Variants in CAPN14 observed in about 807,000 individuals in gnomAD.
CAPN14 encodes calpain-14.
A neutral mutation model predicts 101.3 loss-of-function variants in CAPN14; 94 were observed. The observed-to-expected ratio is 0.93, with a 90% CI of 0.79 to 1.10. The LOEUF is 1.10. Ranked by LOEUF, CAPN14 falls within the 50% of genes least tolerant of loss-of-function variation. CAPN14 has a pLI of 0.00. For missense variants in CAPN14, 837 were observed against 828.4 expected (o/e 1.01, Z -0.13); for synonymous variants, 338 against 317.9 (o/e 1.06, Z -0.67).
At chr2:31,212,066 C>T (rs1191141841) in intron 1 of CAPN14, among the ~76,000 whole-genome samples, 1 of 152,084 alleles carries the variant, frequency 6.6e-6, no homozygotes, top group Non-Finnish European at 1.5e-5. Flanking sequence ...GTCTGCAATC[C>T]CAGTACCTTG....
intron 8 of CAPN14, among the ~76,000 whole-genome samples, chr2:31,194,833 T>C (rs1681384785): frequency 6.6e-6 from 1 of 152,206 alleles, no homozygotes; most frequent in Non-Finnish European, 1.5e-5. Flanking sequence ...AAGCTCATCA[T>C]TTGAACTTCT....
intron 2 of CAPN14, among the ~76,000 whole-genome samples, chr2:31,203,974 T>C (rs947960733): frequency 2.6e-5 from 4 of 152,224 alleles, no homozygotes; most frequent in East Asian, 3.8e-4. Context: ...TGAAGAATAC[T>C]TTTGTAAAGT....
Position 31,207,449 on chromosome 2 carries a change from G to C in CAPN14, c.-52-1950C>G, listed in dbSNP as rs907511840. On this transcript the variant is annotated intron_variant, in intron 1 of 21. Coordinates refer to ENST00000403897, the MANE Select transcript of CAPN14 (RefSeq NM_001145122.2). Reference sequence around the variant, plus strand: ...TAAATACAAACATAACATTTTAAAAGATACATAAAGTCAAGTCCCCCTTTA... The same window carrying C: ...TAAATACAAACATAACATTTTAAAACATACATAAAGTCAAGTCCCCCTTTA... Among the ~76,000 whole-genome samples the C allele has an allele frequency of 3.3e-5, 5 of 152,162 alleles. No homozygotes were observed. The South Asian group carries it at 6.2e-4, about 19-fold the overall frequency.
chr2:31,198,096 G>A (rs1056459751), intron 7 of CAPN14, among the ~76,000 whole-genome samples: 13 of 152,194 alleles, frequency 8.5e-5, no homozygotes, highest in African/African-American at 3.1e-4. Context: ...AGTCAAGTTG[G>A]GAACTGCTTA....
rs1681370043 is a variant in CAPN14, at chr2:31,194,498, G to C, written c.876-15C>G. Reference sequence around the variant, plus strand: ...ATTTACTTGAACTGAAAATAGAAAAGGGAATGAAAAGCTTGTGGGGAGCAT... The same window carrying C: ...ATTTACTTGAACTGAAAATAGAAAACGGAATGAAAAGCTTGTGGGGAGCAT... On this transcript the variant is annotated splice_polypyrimidine_tract_variant and intron_variant, in intron 8 of 21. Coordinates refer to ENST00000403897, the MANE Select transcript of CAPN14 (RefSeq NM_001145122.2). 6.5e-7 allele frequency: 1 copy of C among 1,541,400 alleles called. No individual in the cohort carries two copies. The highest frequency in any genetic ancestry group is 1.4e-5 in the African/African-American group (1 of 72,902).
At chr2:31,231,777 C>A (rs1683200606) in intron 1 of CAPN14, among the ~76,000 whole-genome samples, 1 of 152,196 alleles carries the variant, frequency 6.6e-6, no homozygotes, top group Non-Finnish European at 1.5e-5. Context: ...GGGACAGGCT[C>A]AGATCTCTCC....
At chr2:31,224,832 TGAG>T (rs955663909) in intron 2 of CAPN14, among the ~76,000 whole-genome samples, 6 of 152,006 alleles carry the variant, frequency 3.9e-5, no homozygotes, top group African/African-American at 1.4e-4. Context: ...TTGACCTATT[TGAG>T]GAGAACTATA....
chr2:31,209,429 C>G (rs577963229), intron 1 of CAPN14, among the ~76,000 whole-genome samples: 1 of 152,198 alleles, frequency 6.6e-6, no homozygotes, highest in South Asian at 2.1e-4. Context: ...CTCAGATAAC[C>G]TAAGTGCCTT....
At chr2:31,227,311 G>T (rs932332832) in intron 1 of CAPN14, among the ~76,000 whole-genome samples, 2 of 152,188 alleles carry the variant, frequency 1.3e-5, no homozygotes, top group Admixed American at 1.3e-4. Context: ...TGAGACAGCC[G>T]CATTCCAGCA....
At chr2:31,200,794 C>G (rs1279323621) in intron 5 of CAPN14, among the ~76,000 whole-genome samples, 169 bp from the exon 6 acceptor site, 1 of 152,186 alleles carries the variant, frequency 6.6e-6, no homozygotes, top group Non-Finnish European at 1.5e-5. Flanking sequence ...TGAATGGCTC[C>G]AGCTGGTGGT....
At chr2:31,189,742 TA>T in intron 12 of CAPN14, 1 of 556,534 alleles carries the variant, frequency 1.8e-6, no homozygotes, top group Admixed American at 2.2e-5. Context: ...ACACCAGCAC[TA>T]AATGATGTGA....
chr2:31,192,093 A>G lies in CAPN14; in HGVS notation c.1120T>C (p.Phe374Leu), dbSNP rs141014145. ...GGQRQLLQDT[F>L]WKNPQFLLSV... is the part of the protein sequence containing the mutation. ...AGCAGGAACTGCGGGTTCTTCCAAA[A>G]TGTGTCTGGAGCAGAACACAGCAAG... The change falls in exon 11 of 22, where the codon TTT becomes CTT. Residue 374 changes from phenylalanine (F) to leucine (L), a missense_variant. Transcript: ENST00000403897. The G allele has an allele frequency of 1.5e-3, 2,388 of 1,547,674 alleles. 77 individuals carry two copies. In the East Asian group the frequency reaches 0.047, roughly 31 times the overall value.
rs1364101792 is a variant in CAPN14, at chr2:31,200,624, G to T, written c.553C>A (p.Leu185Ile). 3.9e-6 allele frequency: 6 copies of T among 1,541,558 alleles called. No individual in the cohort carries two copies. In the African/African-American group the frequency reaches 8.3e-5, roughly 21 times the overall value. The change falls in exon 6 of 22, where the codon CTC (leucine) becomes ATC (isoleucine). Residue 185 changes from leucine (L) to isoleucine (I), a missense_variant and splice_region_variant. Coordinates refer to ENST00000403897, the MANE Select transcript of CAPN14 (RefSeq NM_001145122.2). ...GALLEKAYAK[L>I]SGSYEDLQSG... ...TGCAAGTCTTCATAGGAACCAGAGA[G>T]CCTGGCCAGGGAAGAAATAAACATG... is the stretch of plus-strand genomic sequence containing the variant.
chr2:31,207,932 T>C (rs1474970486), intron 1 of CAPN14, among the ~76,000 whole-genome samples: 2 of 152,214 alleles, frequency 1.3e-5, no homozygotes, highest in African/African-American at 4.8e-5. Context: ...GAGTGATGTA[T>C]GCACAGAAGC....
intron 7 of CAPN14, among the ~76,000 whole-genome samples, chr2:31,197,699 G>C (rs762184319): frequency 2.6e-5 from 4 of 152,226 alleles, no homozygotes; most frequent in Non-Finnish European, 5.9e-5. Context: ...ACCTGGGTTT[G>C]AGATAATTAT....
intron 1 of CAPN14, among the ~76,000 whole-genome samples, chr2:31,232,631 C>G (rs1034855843): frequency 1.3e-5 from 2 of 152,058 alleles, no homozygotes; most frequent in African/African-American, 4.8e-5. Context: ...TGGGAAGAGC[C>G]CCTTATAAAA....
intron 2 of CAPN14, 22 bp from the exon 3 acceptor site, chr2:31,203,161 G>A: frequency 2.6e-6 from 4 of 1,548,844 alleles, no homozygotes; most frequent in Non-Finnish European, 3.5e-6. Context: ...AAACAGAATT[G>A]TCATTCTGAC....
intron 16 of CAPN14, among the ~76,000 whole-genome samples, chr2:31,184,255 T>A (rs879853033): frequency 8.5e-5 from 13 of 152,222 alleles, no homozygotes; most frequent in Non-Finnish European, 1.6e-4. Context: ...AGAACTTCAG[T>A]CAGGAGAAAC....
intron 11 of CAPN14, among the ~76,000 whole-genome samples, chr2:31,191,642 G>C (rs1261725805): frequency 6.6e-6 from 1 of 152,210 alleles, no homozygotes; most frequent in African/African-American, 2.4e-5. Flanking sequence ...TTTGGGGAGA[G>C]GAAAAGGAAG....
Sources: allele counts gnomAD v4.1 joint callset (sites outside exome capture counted in the v4.1 genomes callset), GRCh38; gene constraint gnomAD v4.1.1; transcripts MANE v1.5; gene names NCBI Gene and HGNC (gene_info 2026-07-23, HGNC 2026-07-21).